The following IQSEC1 variants were observed in gnomAD, a reference collection of about 807,000 sequenced individuals.
The protein encoded by IQSEC1 is IQ motif and SEC7 domain-containing protein 1.
IQSEC1 carries 31 observed loss-of-function variants against 91.0 expected under a neutral mutation model. The ratio of observed to expected loss-of-function variants is 0.34; its 90% CI spans 0.26 to 0.46. The LOEUF is 0.46. Among genes scored for constraint, IQSEC1 ranks in the 20% least tolerant of loss-of-function variants. The probability of loss-of-function intolerance (pLI) is 1.00; values close to 1 mark genes in which losing one functional copy is unlikely to be tolerated. For synonymous variants in IQSEC1, 699 were observed against 662.6 expected (o/e 1.05, Z -0.84); for missense variants, 1,388 against 1,575.6 (o/e 0.88, Z 2.02).
At chr3:13,266,197 C>A (rs1559289681) in intron 1 of IQSEC1, among the ~76,000 whole-genome samples, 1 of 152,182 alleles carries the variant, frequency 6.6e-6, no homozygotes, top group Non-Finnish European at 1.5e-5. Flanking sequence ...CAAACCCAGA[C>A]TGCATGCACC....
chr3:13,194,942 A>G (rs1000103859), intron 1 of IQSEC1, among the ~76,000 whole-genome samples: 1 of 152,198 alleles, frequency 6.6e-6, no homozygotes, highest in Non-Finnish European at 1.5e-5. Flanking sequence ...TGAGGCAAAG[A>G]GTTCATAGAC....
At chr3:13,075,726 G>A (rs921660737), upstream of IQSEC1, among the ~76,000 whole-genome samples, 1 of 152,204 alleles carries the variant, frequency 6.6e-6, no homozygotes, top group Admixed American at 6.5e-5. Flanking sequence ...TACAGGGCAC[G>A]TGGGTAGTGC....
At chr3:13,268,677 G>A (rs1356527188) in intron 1 of IQSEC1, among the ~76,000 whole-genome samples, 2 of 152,232 alleles carry the variant, frequency 1.3e-5, no homozygotes, top group African/African-American at 2.4e-5. Context: ...AATTGTACAC[G>A]TTTTCCCTGC....
intron 1 of IQSEC1, among the ~76,000 whole-genome samples, chr3:13,271,255 T>C (rs1009854411): frequency 6.6e-6 from 1 of 152,036 alleles, no homozygotes; most frequent in Non-Finnish European, 1.5e-5. Flanking sequence ...CAGGAGCCTG[T>C]AGTCCCAGCT....
intron 1 of IQSEC1, among the ~76,000 whole-genome samples, chr3:13,004,031 T>G (rs1702533164): frequency 6.6e-6 from 1 of 152,244 alleles, no homozygotes; most frequent in Admixed American, 6.5e-5. Context: ...TTGTAACTCT[T>G]CTTTAAGATT....
upstream of IQSEC1, among the ~76,000 whole-genome samples, chr3:13,077,661 C>G (rs1186103283): frequency 6.6e-6 from 1 of 152,228 alleles, no homozygotes; most frequent in Non-Finnish European, 1.5e-5. Context: ...CTCCTAACAT[C>G]TCTGCCCAGC....
chr3:12,972,738 G>A (rs1355074362), intron 1 of IQSEC1, among the ~76,000 whole-genome samples: 3 of 152,266 alleles, frequency 2.0e-5, no homozygotes, highest in Middle Eastern at 3.4e-3. Flanking sequence ...ACACTGACCC[G>A]AGGCTTCATG....
intron 1 of IQSEC1, among the ~76,000 whole-genome samples, chr3:13,240,231 T>A (rs1488845150): frequency 6.6e-6 from 1 of 151,808 alleles, no homozygotes; most frequent in Non-Finnish European, 1.5e-5. Context: ...ATTTAAAAAA[T>A]TAAAAATTAG....
chr3:12,920,833 C>T (rs1240036751), intron 5 of IQSEC1, among the ~76,000 whole-genome samples: 1 of 152,186 alleles, frequency 6.6e-6, no homozygotes, highest in Non-Finnish European at 1.5e-5. Flanking sequence ...ACTACATTTC[C>T]CAGCTCCCGG....
intron 2 of IQSEC1, among the ~76,000 whole-genome samples, chr3:12,937,443 A>C (rs546076174): frequency 6.6e-6 from 1 of 152,352 alleles, no homozygotes; most frequent in South Asian, 2.1e-4. Flanking sequence ...CCACAGCATC[A>C]ACCAGGCAGC....
At chr3:13,129,382 C>T (rs1057111050) in intron 2 of IQSEC1, among the ~76,000 whole-genome samples, 6 of 152,146 alleles carry the variant, frequency 3.9e-5, no homozygotes, top group African/African-American at 1.4e-4. Context: ...TCTTCTGGAT[C>T]GGTCTGACCA....
chr3:13,093,524 A>C (rs1274564311), intron 2 of IQSEC1, among the ~76,000 whole-genome samples: 2 of 152,140 alleles, frequency 1.3e-5, no homozygotes, highest in Non-Finnish European at 2.9e-5. Flanking sequence ...CCTGTGGCTC[A>C]GGGCAGGAAC....
chr3:12,980,163 A>G (rs772492653), intron 1 of IQSEC1, among the ~76,000 whole-genome samples: 8 of 152,072 alleles, frequency 5.3e-5, no homozygotes, highest in Non-Finnish European at 1.0e-4. Context: ...TGCTCCCACC[A>G]CCCCTTCAAG....
intron 1 of IQSEC1, among the ~76,000 whole-genome samples, chr3:13,045,395 T>G (rs913101768): frequency 6.6e-6 from 1 of 152,174 alleles, no homozygotes; most frequent in Non-Finnish European, 1.5e-5. Context: ...GGATCCTGAG[T>G]GCCCGACACC....
chr3:13,053,053 G>T, intron 1 of IQSEC1: 1 of 1,092,932 alleles, frequency 9.1e-7, no homozygotes, highest in Non-Finnish European at 1.4e-6. Context: ...ATCCACGGGG[G>T]AATGGGACGA....
intron 8 of IQSEC1, 76 bp from the exon 9 acceptor site, chr3:12,913,629 C>T (rs536265123): frequency 6.8e-7 from 1 of 1,479,172 alleles, no homozygotes; most frequent in African/African-American, 1.4e-5. Context: ...GTGGAGAAGT[C>T]TAGCCCTTCA....
chr3:12,999,974 C>T (rs567441307), intron 1 of IQSEC1, among the ~76,000 whole-genome samples: 2 of 152,346 alleles, frequency 1.3e-5, no homozygotes, highest in South Asian at 4.1e-4. Context: ...TAGGAACTAG[C>T]ATTTGCCTCC....
chr3:13,151,254 T>C (rs1291677751), intron 2 of IQSEC1, among the ~76,000 whole-genome samples: 1 of 152,110 alleles, frequency 6.6e-6, no homozygotes, highest in Non-Finnish European at 1.5e-5. Flanking sequence ...AGGTGGACGA[T>C]GCTATCGGGA....
At chr3:13,082,162 C>T (rs1705656039) in intron 2 of IQSEC1, among the ~76,000 whole-genome samples, 1 of 152,184 alleles carries the variant, frequency 6.6e-6, no homozygotes, top group South Asian at 2.1e-4. Context: ...AGCTGTGTGA[C>T]CTTGGGCAGA....
Sources: gnomAD v4.1 joint callset for allele counts (sites outside exome capture counted in the v4.1 genomes callset) on GRCh38, gnomAD v4.1.1 for gene constraint, MANE v1.5 for transcripts, NCBI Gene and HGNC (gene_info 2026-07-23, HGNC 2026-07-21) for gene names.